ADAMTS17: variants seen among roughly 807,000 people sequenced by gnomAD.
ADAMTS17 encodes A disintegrin and metalloproteinase with thrombospondin motifs 17.
A neutral mutation model predicts 141.5 loss-of-function variants in ADAMTS17; 113 were observed. The ratio of observed to expected loss-of-function variants is 0.80; its 90% confidence interval spans 0.69 to 0.93. The LOEUF is 0.93. Among genes scored for constraint, ADAMTS17 ranks in the 40% least tolerant of loss-of-function variants. The pLI is 0.00. For missense variants in ADAMTS17, 1,659 were observed against 1,517.9 expected (o/e 1.09, Z -1.54); for synonymous variants, 768 against 630.6 (o/e 1.22, Z -3.27).
rs368433843 is a variant in ADAMTS17, at chr15:100,231,583, C to T, written c.1075+22553G>A. 3.3e-4 allele frequency among the ~76,000 whole-genome samples: 50 copies of T among 152,294 alleles called. 1 individual carries two copies. The highest frequency in any genetic ancestry group is 1.2e-3 in the African/African-American group (50 of 41,556). ...AATCAAATCCTTTTTCTAAGTGTTA[C>T]AGAAGCTGATCAGACTTGGGATAAA... is the stretch of plus-strand genomic sequence containing the variant. On this transcript the variant is annotated intron_variant, in intron 7 of 21. Transcript: ENST00000268070.
chr15:100,310,335 G>A (rs1035997347), intron 3 of ADAMTS17, among the ~76,000 whole-genome samples: 86 of 152,212 alleles, frequency 5.7e-4, no homozygotes, highest in African/African-American at 2.0e-3. Flanking sequence ...CACAGTGAGA[G>A]AAGCAGCCAC....
intron 7 of ADAMTS17, among the ~76,000 whole-genome samples, chr15:100,237,276 G>A (rs1439925546): frequency 1.3e-5 from 2 of 152,166 alleles, no homozygotes; most frequent in Non-Finnish European, 2.9e-5. Context: ...GCAAGCAGGA[G>A]GCTCTCCCTC....
chr15:100,114,772 G>A (rs915041974), intron 13 of ADAMTS17, among the ~76,000 whole-genome samples: 3 of 152,200 alleles, frequency 2.0e-5, no homozygotes, highest in South Asian at 2.1e-4. Flanking sequence ...GAGCCACACC[G>A]CAAGGCTTCC....
chr15:100,316,992 C>T (rs998937564), intron 3 of ADAMTS17, among the ~76,000 whole-genome samples: 4 of 152,168 alleles, frequency 2.6e-5, no homozygotes, highest in South Asian at 2.1e-4. Flanking sequence ...ATACAGCCTC[C>T]GGGGAATAAT....
chr15:100,219,795 A>G (rs111332822), intron 7 of ADAMTS17, among the ~76,000 whole-genome samples: 8 of 152,358 alleles, frequency 5.3e-5, no homozygotes, highest in African/African-American at 1.7e-4. Context: ...GGAAGCATTC[A>G]GAAGTCCCAC....
chr15:100,083,789 T>C (rs181149340), intron 15 of ADAMTS17, among the ~76,000 whole-genome samples: 2 of 150,758 alleles, frequency 1.3e-5, no homozygotes, highest in South Asian at 2.1e-4. Flanking sequence ...TTGGGAATAG[T>C]GATGCTGGCA....
intron 10 of ADAMTS17, among the ~76,000 whole-genome samples, chr15:100,134,302 A>T (rs1382246262): frequency 1.3e-5 from 2 of 152,208 alleles, no homozygotes; most frequent in Non-Finnish European, 2.9e-5. Context: ...ACCCCCTCAC[A>T]GTGCTTCCTG....
At chr15:100,008,190 G>C (rs368205670) in intron 18 of ADAMTS17, among the ~76,000 whole-genome samples, 19 of 152,184 alleles carry the variant, frequency 1.2e-4, no homozygotes, top group African/African-American at 4.3e-4. Flanking sequence ...CTCCCTCTTA[G>C]AGGGGCACTG....
At chr15:100,141,033 G>A (rs543967627) in intron 10 of ADAMTS17, among the ~76,000 whole-genome samples, 3 of 152,334 alleles carry the variant, frequency 2.0e-5, no homozygotes, top group South Asian at 2.1e-4. Context: ...GCCCCCGGCG[G>A]CAGTGCTTGA....
At chr15:100,329,508 AGAGT>A (rs200581929) in intron 3 of ADAMTS17, among the ~76,000 whole-genome samples, 1,740 of 147,520 alleles carry the variant, frequency 0.012, 40 homozygotes, top group African/African-American at 0.041. Context: ...CCTGGGTGAC[AGAGT>A]GAGATCGTGT....
chr15:100,123,722 C>T (rs186632975), intron 12 of ADAMTS17, among the ~76,000 whole-genome samples: 121 of 152,330 alleles, frequency 7.9e-4, no homozygotes, highest in African/African-American at 2.8e-3. Flanking sequence ...AGGAAATCAA[C>T]GCTCCAACAG....
At chr15:100,229,121 G>A (rs180882996) in intron 7 of ADAMTS17, among the ~76,000 whole-genome samples, 81 of 152,240 alleles carry the variant, frequency 5.3e-4, no homozygotes, top group Middle Eastern at 3.4e-3. Context: ...TGGTTCTTAT[G>A]GAGTATCCCT....
intron 18 of ADAMTS17, among the ~76,000 whole-genome samples, chr15:100,044,809 T>C (rs917831062): frequency 1.4e-5 from 1 of 73,776 alleles, no homozygotes; most frequent in Non-Finnish European, 2.5e-5. Flanking sequence ...TAATTTGGAT[T>C]TTTTTTTTTT....
At chr15:100,128,086 T>C (rs1409842419) in intron 12 of ADAMTS17, among the ~76,000 whole-genome samples, 1 of 152,076 alleles carries the variant, frequency 6.6e-6, no homozygotes, top group African/African-American at 2.4e-5. Flanking sequence ...TCAGTGGCTT[T>C]GGACTCAAGC....
At position 100,261,641 on chromosome 15, in the gene ADAMTS17, A is replaced by G; in HGVS notation, c.874-5T>C. On this transcript the variant is annotated splice_region_variant and splice_polypyrimidine_tract_variant and intron_variant, in intron 5 of 21. Transcript: ENST00000268070. ...GTGCCCAATGGACAACTTAGCCTAA[A>G]AAAAGTCAGAGGACAGTTAGAGAAA... The G allele has an allele frequency of 6.2e-7, 1 of 1,613,350 alleles. No individual in the cohort carries two copies. The highest frequency in any genetic ancestry group is 8.5e-7 in the Non-Finnish European group (1 of 1,179,700).
intron 13 of ADAMTS17, among the ~76,000 whole-genome samples, chr15:100,115,400 G>A (rs1434807523): frequency 2.6e-5 from 4 of 152,186 alleles, no homozygotes; most frequent in African/African-American, 9.7e-5. Context: ...TTCTGCTGGC[G>A]AGCTGATGGC....
chr15:99,982,976 AT>A (rs2060511017), intron 20 of ADAMTS17, among the ~76,000 whole-genome samples: 1 of 152,346 alleles, frequency 6.6e-6, no homozygotes, highest in African/African-American at 2.4e-5. Context: ...AAGAGGTTCA[AT>A]TTGGATTTAC....
intron 8 of ADAMTS17, among the ~76,000 whole-genome samples, chr15:100,194,384 A>G (rs1196609992): frequency 6.6e-6 from 1 of 152,202 alleles, no homozygotes; most frequent in Non-Finnish European, 1.5e-5. Flanking sequence ...CCCTCGAAAC[A>G]CAAGGCACTC....
chr15:100,247,085 C>T (rs2043011435), intron 7 of ADAMTS17, among the ~76,000 whole-genome samples: 1 of 151,986 alleles, frequency 6.6e-6, no homozygotes, highest in Non-Finnish European at 1.5e-5. Flanking sequence ...CAGGGTTTTG[C>T]CATGTTGGCC....
Sources: gnomAD v4.1 joint callset for allele counts (sites outside exome capture counted in the v4.1 genomes callset) on GRCh38, gnomAD v4.1.1 for gene constraint, MANE v1.5 for transcripts, NCBI Gene and HGNC (gene_info 2026-07-23, HGNC 2026-07-21) for gene names.